SEC22B: variants seen among roughly 807,000 people sequenced by gnomAD.
SEC22B encodes the protein vesicle-trafficking protein SEC22b.
In SEC22B, 10 loss-of-function variants were observed where a neutral mutation model predicts 31.4. That is an observed-to-expected ratio of 0.32 (90% CI 0.20 to 0.54). The LOEUF (loss-of-function observed/expected upper bound fraction) is 0.54, where lower values mean the gene tolerates loss of function less well. Ranked by LOEUF, SEC22B falls within the 20% of genes least tolerant of loss-of-function variation. The probability of loss-of-function intolerance (pLI) is 0.94; values close to 1 mark genes in which losing one functional copy is unlikely to be tolerated. For missense variants in SEC22B, 130 were observed against 263.4 expected, an observed-to-expected ratio of 0.49 and a Z score of 3.50; for synonymous variants, 60 against 95.9, an observed-to-expected ratio of 0.63 and a Z score of 2.19.
At chr1:120,169,921 G>A (rs1657868777) in intron 1 of SEC22B, among the ~76,000 whole-genome samples, 1 of 151,008 alleles carries the variant, frequency 6.6e-6, no homozygotes, top group African/African-American at 2.4e-5. Context: ...GTATTAAGAA[G>A]TGGGACCTTT....
At chr1:120,167,903 G>T (rs1257534524) in intron 2 of SEC22B, among the ~76,000 whole-genome samples, 1 of 151,796 alleles carries the variant, frequency 6.6e-6, no homozygotes, top group Non-Finnish European at 1.5e-5. Context: ...TATTTTTGGT[G>T]TTGAAAATTA....
chr1:120,154,851 GTCTTC>G lies in SEC22B; in HGVS notation c.*2182_*2186del, dbSNP rs1657604708. 7.6e-6 allele frequency: 1 copy of G among 131,448 alleles called. No homozygotes were observed. Among genetic ancestry groups the G allele is most frequent in the Non-Finnish European group, 1.6e-5 (1 of 61,554 alleles). The allele number at this position is 131,448 out of a possible 1,614,324, so 8.1% of individuals were successfully genotyped here. A position where few individuals can be genotyped will look rare whatever the true frequency, so the allele number is the denominator to read the frequency against. ...ATGCCCCATTCTCCTTCTCTAGAAA[GTCTTC>G]TCTTAACATACTTCTTCCCAAAATA... On this transcript the variant is annotated 3_prime_UTR_variant, in exon 5 of 5. Coordinates refer to ENST00000578049, the MANE Select transcript of SEC22B (RefSeq NM_004892.6).
In SEC22B at chr1:120,151,334, C is replaced by CTG. The variant is rs1553228674; in HGVS notation, c.*5703_*5704insCA. On this transcript the variant is annotated 3_prime_UTR_variant, in exon 5 of 5. Coordinates refer to ENST00000578049, the MANE Select transcript of SEC22B (RefSeq NM_004892.6). ...ATGGGGCCAGACTGCGAATGGCAAA[C>CTG]AAGTATGTGATCTTTTATTCTAAAG... is the stretch of plus-strand genomic sequence containing the variant. The CTG allele has an allele frequency of 1.3e-5, 2 of 152,180 alleles. No individual in the cohort carries two copies. Among genetic ancestry groups the CTG allele is most frequent in the African/African-American group, 4.8e-5 (2 of 41,414 alleles). 9.4% of individuals were successfully genotyped at this position (152,180 alleles called of 1,614,324 possible).
intron 1 of SEC22B, 84 bp downstream of exon 1, chr1:120,176,223 C>G: frequency 1.5e-6 from 2 of 1,362,334 alleles, no homozygotes; most frequent in Non-Finnish European, 2.0e-6. Flanking sequence ...ACAAAGGTCT[C>G]CCGGTCCTAG....
chr1:120,168,092 C>G (rs1203608859), intron 2 of SEC22B, among the ~76,000 whole-genome samples: 4 of 151,932 alleles, frequency 2.6e-5, no homozygotes, highest in Non-Finnish European at 4.4e-5. Flanking sequence ...AGCTTCCTCC[C>G]TGGCCTAAGT....
intron 2 of SEC22B, among the ~76,000 whole-genome samples, chr1:120,167,019 T>A (rs1657823422): frequency 1.4e-5 from 2 of 146,622 alleles, no homozygotes; most frequent in East Asian, 3.9e-4. Context: ...ATGTGGCTCC[T>A]GAGGCATCCT....
chr1:120,167,451 T>C (rs1282317160), intron 2 of SEC22B, among the ~76,000 whole-genome samples: 1,879 of 152,164 alleles, frequency 0.012, 37 homozygotes, highest in African/African-American at 0.043. Context: ...TTCATTTTCA[T>C]ATGTTCAATT....
At chr1:120,163,952 T>C (rs1570867474) in intron 2 of SEC22B, among the ~76,000 whole-genome samples, 1 of 137,326 alleles carries the variant, frequency 7.3e-6, no homozygotes, top group African/African-American at 3.0e-5. Context: ...TCTCTTTTTT[T>C]TTTTTTTTTT....
intron 2 of SEC22B, among the ~76,000 whole-genome samples, chr1:120,165,768 A>C (rs1316209294): frequency 1.3e-5 from 2 of 151,754 alleles, no homozygotes; most frequent in Admixed American, 1.3e-4. Flanking sequence ...GCCCAGGTTC[A>C]TGTCCTGAAA....
chr1:120,155,103 C>T lies in SEC22B; in HGVS notation c.*1935G>A, dbSNP rs1441651914. ...CTTCTCCCTTTGTTGACAATTACCC[C>T]ACCCCTTATTTCTTAATTAGCCCAA... On this transcript the variant is annotated 3_prime_UTR_variant, in exon 5 of 5. Coordinates refer to ENST00000578049, the MANE Select transcript of SEC22B (RefSeq NM_004892.6). 1 of 151,872 alleles carries T rather than the reference C, an allele frequency of 6.6e-6. No individual in the cohort carries two copies. Among genetic ancestry groups the T allele is most frequent in the African/African-American group, 2.4e-5 (1 of 41,390 alleles). The allele number at this position is 151,872 out of a possible 1,614,324, so 9.4% of individuals were successfully genotyped here.
In SEC22B at chr1:120,176,485, G is replaced by T. The variant is rs1194484976; in HGVS notation, c.-104C>A. ...TATACCCTATGTCTCAGTTACCGGA[G>T]ATCCAGCTGCTTGCGTCTCCGCTTC... On this transcript the variant is annotated 5_prime_UTR_variant, in exon 1 of 5. Coordinates refer to ENST00000578049, the MANE Select transcript of SEC22B (RefSeq NM_004892.6). The T allele has an allele frequency of 3.9e-6, 4 of 1,019,452 alleles. No individual in the cohort carries two copies. The highest frequency in any genetic ancestry group is 2.7e-5 in the East Asian group (1 of 37,064). The allele number at this position is 1,019,452 out of a possible 1,614,324, so 63.2% of individuals were successfully genotyped here.
At chr1:120,164,240 G>A (rs1657769187) in intron 2 of SEC22B, among the ~76,000 whole-genome samples, 2 of 146,938 alleles carry the variant, frequency 1.4e-5, no homozygotes, top group Admixed American at 6.8e-5. Flanking sequence ...GATTACAGGT[G>A]TAAGCCACTG....
intron 2 of SEC22B, among the ~76,000 whole-genome samples, chr1:120,168,140 T>C (rs1281943722): frequency 6.6e-6 from 1 of 152,000 alleles, no homozygotes; most frequent in Non-Finnish European, 1.5e-5. Context: ...GCAAAGATTA[T>C]TTAACTAATC....
chr1:120,156,851 T>TACA lies in SEC22B; in HGVS notation c.*184_*186dup, dbSNP rs1189115037. ...GCCTCTGCCCCCGAAAGAGACTTTC[T>TACA]ACATAGGGTTAAGCTTCATTAAATG... On this transcript the variant is annotated 3_prime_UTR_variant, in exon 5 of 5. Transcript: ENST00000578049. The TACA allele has an allele frequency of 1.3e-5, 5 of 392,600 alleles. No individual in the cohort carries two copies. The highest frequency in any genetic ancestry group is 1.0e-4 in the African/African-American group (5 of 48,494). 24.3% of individuals were successfully genotyped at this position (392,600 alleles called of 1,614,324 possible).
intron 2 of SEC22B, among the ~76,000 whole-genome samples, 172 bp from the exon 3 acceptor site, chr1:120,163,542 A>AAACATCTT (rs1316423185): frequency 7.5e-6 from 1 of 132,658 alleles, no homozygotes. Flanking sequence ...ATCAGAAAGC[A>AAACATCTT]AACATCTTCC....
At position 120,152,756 on chromosome 1, in the gene SEC22B, C is replaced by T. The variant is rs1657565280; in HGVS notation, c.*4282G>A. The T allele has an allele frequency of 7.4e-6, 1 of 134,674 alleles. No homozygotes were observed. 8.3% of individuals were successfully genotyped at this position (134,674 alleles called of 1,614,324 possible). A position where few individuals can be genotyped will look rare whatever the true frequency, so the allele number is the denominator to read the frequency against. ...AAAATAACTTTTGAAAATAAACATA[C>T]TAATAACTTGACAATAAAGTGAAAT... On this transcript the variant is annotated 3_prime_UTR_variant, in exon 5 of 5. Coordinates refer to ENST00000578049, the MANE Select transcript of SEC22B (RefSeq NM_004892.6).
In SEC22B at chr1:120,156,173, G is replaced by A. The variant is rs1371474416; in HGVS notation, c.*865C>T. On this transcript the variant is annotated 3_prime_UTR_variant, in exon 5 of 5. Coordinates refer to ENST00000578049, the MANE Select transcript of SEC22B (RefSeq NM_004892.6). ...AACTGTGGTAGAGAAAGTAAAGAAG[G>A]GGCAGGAGAAAGCTGTAATTATAAC... is the stretch of plus-strand genomic sequence containing the variant. 1 of 151,814 alleles carries A rather than the reference G, an allele frequency of 6.6e-6. No homozygotes were observed. The highest frequency in any genetic ancestry group is 1.5e-5 in the Non-Finnish European group (1 of 67,840). The allele number at this position is 151,814 out of a possible 1,614,324, so 9.4% of individuals were successfully genotyped here. A position where few individuals can be genotyped will look rare whatever the true frequency, so the allele number is the denominator to read the frequency against.
At chr1:120,163,421 G>A (rs1657751403) in intron 2 of SEC22B, 51 bp from the exon 3 acceptor site, 4 of 1,256,622 alleles carry the variant, frequency 3.2e-6, no homozygotes, top group South Asian at 1.9e-5. Context: ...TAATAGCACT[G>A]ACAACAGTTT....
At position 120,156,617 on chromosome 1, in the gene SEC22B, A is replaced by G. The variant is rs1465940091; in HGVS notation, c.*421T>C. The G allele has an allele frequency of 6.8e-6, 1 of 147,714 alleles. No individual in the cohort carries two copies. The highest frequency in any genetic ancestry group is 1.5e-5 in the Non-Finnish European group (1 of 66,854). 9.2% of individuals were successfully genotyped at this position (147,714 alleles called of 1,614,324 possible). A position where few individuals can be genotyped will look rare whatever the true frequency, so the allele number is the denominator to read the frequency against. On this transcript the variant is annotated 3_prime_UTR_variant, in exon 5 of 5. Transcript: ENST00000578049. ...TTGATTAGAGTCAAAAAAAAAAAAA[A>G]AAAAAAAAACACCTTCCCAAAGGAC... is the stretch of plus-strand genomic sequence containing the variant.
Sources: gnomAD v4.1 joint callset for allele counts (sites outside exome capture counted in the v4.1 genomes callset) on GRCh38, gnomAD v4.1.1 for gene constraint, MANE v1.5 for transcripts, NCBI Gene and HGNC (gene_info 2026-07-23, HGNC 2026-07-21) for gene names.